SNX10: variants seen among roughly 807,000 people sequenced by gnomAD.
The protein encoded by SNX10 is sorting nexin 10.
In SNX10, 25 loss-of-function variants were observed where a neutral mutation model predicts 28.5. The observed-to-expected ratio is 0.88, with a 90% CI of 0.64 to 1.22. The LOEUF (loss-of-function observed/expected upper bound fraction) is 1.22, where lower values mean the gene tolerates loss of function less well. Among genes scored for constraint, SNX10 ranks in the 50% most tolerant of loss-of-function variants. The probability of loss-of-function intolerance (pLI) is 0.00; values close to 1 mark genes in which losing one functional copy is unlikely to be tolerated. For missense variants in SNX10, 223 were observed against 242.6 expected, an observed-to-expected ratio of 0.92 and a Z score of 0.54; for synonymous variants, 62 against 81.4, an observed-to-expected ratio of 0.76 and a Z score of 1.28.
Position 26,373,566 on chromosome 7 carries a change from T to C in SNX10, c.*994T>C, listed in dbSNP as rs906196050. Reference sequence around the variant, plus strand: ...CCCTTTTAAAGCATCTACTTGAAGATTGGTATAATTTTCATAAAATGTCTT... The same window carrying C: ...CCCTTTTAAAGCATCTACTTGAAGACTGGTATAATTTTCATAAAATGTCTT... On this transcript the variant is annotated 3_prime_UTR_variant, in exon 7 of 7. Coordinates refer to ENST00000338523, the MANE Select transcript of SNX10 (RefSeq NM_013322.3). The surrounding 1 kb of genome is among the most constrained non-coding windows in gnomAD (Gnocchi z 4.2). The C allele has an allele frequency of 2.6e-5, 4 of 152,086 alleles. No individual in the cohort carries two copies. Among genetic ancestry groups the C allele is most frequent in the African/African-American group, 9.6e-5 (4 of 41,462 alleles). 9.4% of individuals were successfully genotyped at this position (152,086 alleles called of 1,614,324 possible).
chr7:26,322,639 G>A (rs75731892), intron 1 of SNX10, among the ~76,000 whole-genome samples: 1,532 of 152,298 alleles, frequency 0.01, 21 homozygotes, highest in African/African-American at 0.035. Flanking sequence ...TGGCGTTGAT[G>A]TTGTGTACTC....
At chr7:26,341,529 C>T (rs962044834) in intron 1 of SNX10, among the ~76,000 whole-genome samples, 4 of 150,460 alleles carry the variant, frequency 2.7e-5, no homozygotes, top group Non-Finnish European at 4.4e-5. Context: ...GAGTCTCGCT[C>T]TGTTGTCCAG....
Position 26,291,877 on chromosome 7 carries a change from C to T in SNX10, c.-233C>T, listed in dbSNP as rs1785927376. On this transcript the variant is annotated 5_prime_UTR_variant, in exon 1 of 7. Transcript: ENST00000338523. ...CGGCGGAAGCACTAGGCGCGGCGCCCACAGGCGGACGGCTGGCGCTGAGCG... is the reference window on the plus strand; with the variant it reads ...CGGCGGAAGCACTAGGCGCGGCGCCTACAGGCGGACGGCTGGCGCTGAGCG... The T allele has an allele frequency of 1.4e-5, 2 of 147,502 alleles. No homozygotes were observed. The allele number at this position is 147,502 out of a possible 1,614,324, so 9.1% of individuals were successfully genotyped here.
intron 1 of SNX10, among the ~76,000 whole-genome samples, chr7:26,310,490 G>T (rs1786784088): frequency 6.6e-6 from 1 of 152,130 alleles, no homozygotes; most frequent in Non-Finnish European, 1.5e-5. Context: ...AGGAGAAAAT[G>T]AAAGGATAGA....
intron 1 of SNX10, among the ~76,000 whole-genome samples, chr7:26,306,988 A>G (rs933631024): frequency 1.3e-5 from 2 of 152,184 alleles, no homozygotes; most frequent in Non-Finnish European, 2.9e-5. Flanking sequence ...AATGCCTCAC[A>G]CTACTTTTAC....
At chr7:26,307,386 A>G (rs1786641642) in intron 1 of SNX10, among the ~76,000 whole-genome samples, 1 of 152,116 alleles carries the variant, frequency 6.6e-6, no homozygotes, top group African/African-American at 2.4e-5. Context: ...CCGGCCTGTG[A>G]GTCATCCTTG....
At chr7:26,356,384 C>A (rs1031083867) in intron 2 of SNX10, among the ~76,000 whole-genome samples, 2 of 152,090 alleles carry the variant, frequency 1.3e-5, no homozygotes, top group African/African-American at 4.8e-5. Flanking sequence ...CTAGGAAATC[C>A]ATATGATTCT....
At chr7:26,313,278 C>T (rs1018218799) in intron 1 of SNX10, among the ~76,000 whole-genome samples, 1 of 152,212 alleles carries the variant, frequency 6.6e-6, no homozygotes, top group African/African-American at 2.4e-5. Flanking sequence ...AACAAACTTT[C>T]CAGTGTATAA....
intron 1 of SNX10, among the ~76,000 whole-genome samples, chr7:26,311,509 T>C (rs1390138960): frequency 6.6e-6 from 1 of 152,016 alleles, no homozygotes; most frequent in Non-Finnish European, 1.5e-5. Context: ...GCTGTTGCAC[T>C]GGGGGGAGGG....
At chr7:26,350,668 C>T (rs928731499) in intron 2 of SNX10, among the ~76,000 whole-genome samples, 7 of 151,930 alleles carry the variant, frequency 4.6e-5, no homozygotes, top group African/African-American at 1.4e-4. Flanking sequence ...TTTCTTCCTC[C>T]CTTTTTCCCC....
chr7:26,322,324 C>T (rs1231162566), intron 1 of SNX10, among the ~76,000 whole-genome samples: 1 of 152,066 alleles, frequency 6.6e-6, no homozygotes, highest in Non-Finnish European at 1.5e-5. Context: ...GGCATTAACA[C>T]CTCCCCAAAC....
chr7:26,310,737 A>G (rs897380610), intron 1 of SNX10, among the ~76,000 whole-genome samples: 2 of 150,662 alleles, frequency 1.3e-5, no homozygotes, highest in East Asian at 3.9e-4. Context: ...GCTGGAGTGC[A>G]GTGGCGCCAT....
intron 1 of SNX10, among the ~76,000 whole-genome samples, chr7:26,333,916 G>A (rs1787833897): frequency 6.6e-6 from 1 of 152,150 alleles, no homozygotes; most frequent in South Asian, 2.1e-4. Flanking sequence ...TGGTGGAAAG[G>A]GATGACTGAT....
At chr7:26,336,828 T>C (rs569687373) in intron 1 of SNX10, among the ~76,000 whole-genome samples, 28 of 152,384 alleles carry the variant, frequency 1.8e-4, no homozygotes, top group East Asian at 7.7e-4. Context: ...TCATTTTTTT[T>C]CTACTCCGCT....
intron 1 of SNX10, among the ~76,000 whole-genome samples, chr7:26,337,787 G>C (rs4263654): frequency 0.17 from 25,936 of 152,200 alleles, 2,558 homozygotes; most frequent in South Asian, 0.41. Context: ...CCCACAAATA[G>C]CTCTTTGAGA....
rs1460387087 is a variant in SNX10, at chr7:26,337,503, ACTTTGT to A, written c.-23-8912_-23-8907del. ...TCTAGCCCTTGGCAACCACCATTCT[ACTTTGT>A]CTTTATCAATTTAATTTCCTTGAAA... On this transcript the variant is annotated intron_variant, in intron 1 of 6. Transcript: ENST00000338523. Among the ~76,000 whole-genome samples the A allele has an allele frequency of 5.3e-5, 8 of 152,316 alleles. 1 individual carries two copies. The highest frequency in any genetic ancestry group is 1.9e-4 in the African/African-American group (8 of 41,562).
chr7:26,309,662 GC>G (rs1245959477), intron 1 of SNX10, among the ~76,000 whole-genome samples: 23 of 152,256 alleles, frequency 1.5e-4, no homozygotes, highest in South Asian at 1.2e-3. Flanking sequence ...AAGCATTTGA[GC>G]CGTTAGTAAC....
intron 1 of SNX10, among the ~76,000 whole-genome samples, chr7:26,298,297 A>G (rs1479029448): frequency 1.3e-5 from 2 of 152,268 alleles, no homozygotes; most frequent in Non-Finnish European, 2.9e-5. Flanking sequence ...TTAGAAATCA[A>G]TAGGAAAAAC....
At chr7:26,356,941 A>C (rs957213469) in intron 2 of SNX10, 7 of 355,934 alleles carry the variant, frequency 2.0e-5, no homozygotes, top group Non-Finnish European at 3.1e-5. Context: ...ACCCAAGTAG[A>C]TGAGGTTTTA....
Sources: gnomAD v4.1 joint callset for allele counts (sites outside exome capture counted in the v4.1 genomes callset) on GRCh38, gnomAD v4.1.1 for gene constraint, Gnocchi (gnomAD v3.1) non-coding constraint, MANE v1.5 for transcripts, NCBI Gene and HGNC (gene_info 2026-07-23, HGNC 2026-07-21) for gene names.